Variants in PRELID2 observed in about 807,000 individuals in gnomAD.
The protein encoded by PRELID2 is PRELI domain-containing protein 2.
In PRELID2, 25 loss-of-function variants were observed where a neutral mutation model predicts 28.4. The observed-to-expected ratio is 0.88, with a 90% CI of 0.64 to 1.23. The LOEUF is 1.23. Among genes scored for constraint, PRELID2 ranks in the 50% most tolerant of loss-of-function variants. PRELID2 has a pLI of 0.00. For synonymous variants in PRELID2, 76 were observed against 71.6 expected (o/e 1.06, Z -0.31); for missense variants, 201 against 214.4 (o/e 0.94, Z 0.39).
the PRELID2 span, among the ~76,000 whole-genome samples, chr5:145,289,185 G>A: frequency 2.0e-5 from 3 of 151,902 alleles, no homozygotes; most frequent in Admixed American, 1.3e-4. Flanking sequence ...TTGCTGTAAA[G>A]TCCTATGGGT....
At chr5:145,518,200 G>C (rs994016617) in intron 1 of PRELID2, among the ~76,000 whole-genome samples, 10 of 151,164 alleles carry the variant, frequency 6.6e-5, no homozygotes, top group Admixed American at 4.6e-4. Flanking sequence ...GTGCACTCTT[G>C]GTTTTGTTTG....
the PRELID2 span, among the ~76,000 whole-genome samples, chr5:145,306,913 G>A: frequency 6.6e-6 from 1 of 151,970 alleles, no homozygotes; most frequent in African/African-American, 2.4e-5. Flanking sequence ...ATCTCTTTAT[G>A]TCTTGTTATT....
At chr5:145,294,700 T>C in the PRELID2 span, among the ~76,000 whole-genome samples, 5 of 152,178 alleles carry the variant, frequency 3.3e-5, no homozygotes, top group Admixed American at 3.3e-4. Flanking sequence ...AAGAAACTTG[T>C]TTACTTGGAA....
chr5:145,316,459 A>G, the PRELID2 span, among the ~76,000 whole-genome samples: 1 of 152,200 alleles, frequency 6.6e-6, no homozygotes, highest in Admixed American at 6.5e-5. Flanking sequence ...CCAACACACC[A>G]TAATCAATCC....
At chr5:145,698,558 G>A (rs928088753) in intron 1 of PRELID2, among the ~76,000 whole-genome samples, 11 of 152,084 alleles carry the variant, frequency 7.2e-5, no homozygotes, top group Non-Finnish European at 1.0e-4. Flanking sequence ...GTCTGTTAAG[G>A]GCCCACTTCC....
At chr5:145,764,882 T>C (rs952466321) in intron 6 of PRELID2, 49 bp downstream of exon 6, 13 of 1,401,930 alleles carry the variant, frequency 9.3e-6, no homozygotes, top group Non-Finnish European at 1.3e-5. Context: ...CTGATAAGCA[T>C]GAAAATATGG....
At chr5:145,683,849 C>G (rs1286261292) in intron 1 of PRELID2, among the ~76,000 whole-genome samples, 2 of 152,158 alleles carry the variant, frequency 1.3e-5, no homozygotes, top group Non-Finnish European at 2.9e-5. Flanking sequence ...GTAGAACGAG[C>G]TGCTGATTGT....
At chr5:145,706,282 A>G (rs1433403042) in intron 1 of PRELID2, among the ~76,000 whole-genome samples, 5 of 152,218 alleles carry the variant, frequency 3.3e-5, no homozygotes, top group Non-Finnish European at 5.9e-5. Flanking sequence ...ACAAAGCAGG[A>G]ATACTGTCTG....
chr5:145,751,115 G>C (rs1329917610), intron 1 of PRELID2, among the ~76,000 whole-genome samples: 1 of 152,168 alleles, frequency 6.6e-6, no homozygotes, highest in African/African-American at 2.4e-5. Flanking sequence ...ATACACTACA[G>C]GGAAAATCAT....
At chr5:145,464,109 C>T in the PRELID2 span, among the ~76,000 whole-genome samples, 1 of 152,176 alleles carries the variant, frequency 6.6e-6, no homozygotes, top group Non-Finnish European at 1.5e-5. Context: ...CCACAGGTCT[C>T]ATATATCAGA....
chr5:145,536,205 C>T (rs993505274), intron 1 of PRELID2, among the ~76,000 whole-genome samples: 1 of 151,902 alleles, frequency 6.6e-6, no homozygotes, highest in Non-Finnish European at 1.5e-5. Context: ...TTGAAAATTG[C>T]TGATGCATGC....
the PRELID2 span, among the ~76,000 whole-genome samples, chr5:145,297,698 A>G: frequency 0.29 from 43,248 of 151,524 alleles, 6,475 homozygotes; most frequent in Non-Finnish European, 0.32. Context: ...TGCAGATGAC[A>G]TGATTGTATA....
the PRELID2 span, among the ~76,000 whole-genome samples, chr5:145,359,249 T>C: frequency 6.6e-6 from 1 of 152,232 alleles, no homozygotes; most frequent in Non-Finnish European, 1.5e-5. Context: ...GCATAATCAA[T>C]ACTCTGGATA....
the PRELID2 span, among the ~76,000 whole-genome samples, chr5:145,435,114 A>T: frequency 5.9e-5 from 9 of 152,298 alleles, no homozygotes; most frequent in African/African-American, 1.9e-4. Flanking sequence ...GGCAAGACAA[A>T]ACCTTCACCA....
chr5:145,272,409 C>T, the PRELID2 span, among the ~76,000 whole-genome samples: 318 of 152,162 alleles, frequency 2.1e-3, 10 homozygotes, highest in East Asian at 0.053. Context: ...TCTCTGGTCT[C>T]GGAGCACTCA....
chr5:145,737,793 G>A (rs370815580), intron 1 of PRELID2, among the ~76,000 whole-genome samples: 20 of 151,790 alleles, frequency 1.3e-4, no homozygotes, highest in African/African-American at 4.3e-4. Context: ...AGGGCAGGGG[G>A]CCAATCCTCC....
At chr5:145,446,462 G>T in the PRELID2 span, among the ~76,000 whole-genome samples, 1 of 152,026 alleles carries the variant, frequency 6.6e-6, no homozygotes, top group African/African-American at 2.4e-5. Flanking sequence ...GCCATAGGAG[G>T]AGCCAGGAAA....
intron 1 of PRELID2, among the ~76,000 whole-genome samples, chr5:145,496,161 T>G (rs1752307961): frequency 6.6e-6 from 1 of 152,158 alleles, no homozygotes; most frequent in South Asian, 2.1e-4. Flanking sequence ...GGAGCTTACA[T>G]GCATATAGAG....
chr5:145,453,254 A>G, the PRELID2 span, among the ~76,000 whole-genome samples: 34,294 of 152,104 alleles, frequency 0.23, 4,137 homozygotes, highest in South Asian at 0.35. Context: ...GATTCATGGC[A>G]TATGTTAATT....
Sources: gnomAD v4.1 joint callset for allele counts (sites outside exome capture counted in the v4.1 genomes callset) on GRCh38, gnomAD v4.1.1 for gene constraint, MANE v1.5 for transcripts, NCBI Gene and HGNC (gene_info 2026-07-23, HGNC 2026-07-21) for gene names.